The following ENY2 variants were observed in gnomAD, a reference collection of about 807,000 sequenced individuals.
The protein encoded by ENY2 is ENY2 transcription and export complex 2 subunit, also known as transcription and mRNA export factor ENY2.
In ENY2, 4 loss-of-function variants were observed where a neutral mutation model predicts 15.9. That is an observed-to-expected ratio of 0.25 (90% CI 0.12 to 0.57). The LOEUF (loss-of-function observed/expected upper bound fraction) is 0.57. ENY2 is among the 20% of genes least tolerant of loss of function. The pLI, the probability that ENY2 is intolerant of heterozygous loss-of-function variation, is 0.91. For missense variants in ENY2, 54 were observed against 117.2 expected (o/e 0.46, Z 2.49); for synonymous variants, 48 against 38.0 (o/e 1.26, Z -0.97).
At chr8:109,336,024 C>T (rs1436910467) in intron 1 of ENY2, 104 bp from the exon 2 acceptor site, 1 of 979,106 alleles carries the variant, frequency 1.0e-6, no homozygotes, top group South Asian at 1.5e-5. Flanking sequence ...TGTATCACCC[C>T]TTCAGTTAAT....
At chr8:109,342,240 C>A (rs1979299) in intron 4 of ENY2, among the ~76,000 whole-genome samples, 1,836 of 141,186 alleles carry the variant, frequency 0.013, 40 homozygotes, top group African/African-American at 0.045. Context: ...TAACATATAA[C>A]AGTTGTAATT....
chr8:109,335,957 A>G (rs1441684581), intron 1 of ENY2, 171 bp from the exon 2 acceptor site: 3 of 550,414 alleles, frequency 5.5e-6, no homozygotes, highest in Non-Finnish European at 9.5e-6. Context: ...GCATTAGCCC[A>G]GTGCCAAGCA....
rs1342161110 is a variant in ENY2 at position 109,336,124 on chromosome 8, CCA to C, written c.7-3_7-2del. 1 of 1,612,786 alleles carries C rather than the reference CCA, an allele frequency of 6.2e-7. No individual in the cohort carries two copies. On this transcript the variant is annotated splice_acceptor_variant and splice_polypyrimidine_tract_variant and intron_variant, in intron 1 of 4. Transcript: ENST00000521688. LOFTEE classifies it high-confidence loss of function. ...TATATCTGAAAGTACATGTTGATGTCCAGGTTAGCAAGATGAACAAAGATGCG... is the reference window on the plus strand; with the variant it reads ...TATATCTGAAAGTACATGTTGATGTCGGTTAGCAAGATGAACAAAGATGCG...
At chr8:109,336,312 G>A in intron 2 of ENY2, 108 bp downstream of exon 2, 1 of 975,022 alleles carries the variant, frequency 1.0e-6, no homozygotes, top group Non-Finnish European at 1.5e-6. Flanking sequence ...TTACAATTGA[G>A]ATTATAAAAG....
At chr8:109,340,438 T>A (rs1480845884) in intron 3 of ENY2, 51 bp from the exon 4 acceptor site, 1 of 1,603,534 alleles carries the variant, frequency 6.2e-7, no homozygotes. Flanking sequence ...AAAATCTTTC[T>A]TACAGATAAT....
intron 1 of ENY2, 186 bp downstream of exon 1, chr8:109,334,660 T>G: frequency 1.6e-6 from 1 of 611,468 alleles, no homozygotes; most frequent in Non-Finnish European, 2.8e-6. Flanking sequence ...CTCTCCCGCC[T>G]CTCCCGCTGT....
intron 4 of ENY2, among the ~76,000 whole-genome samples, chr8:109,342,154 T>G (rs985121615): frequency 6.9e-6 from 1 of 145,972 alleles, no homozygotes; most frequent in Non-Finnish European, 1.5e-5. Flanking sequence ...AAGTTTTAGT[T>G]AACCCCCCCC....
intron 3 of ENY2, 103 bp from the exon 4 acceptor site, chr8:109,340,386 C>G (rs2130194349): frequency 6.7e-7 from 1 of 1,502,422 alleles, no homozygotes; most frequent in Non-Finnish European, 9.0e-7. Flanking sequence ...TTAAAAAAAC[C>G]AGTCTACACT....
At chr8:109,342,592 G>T (rs1009504953) in intron 4 of ENY2, 1 of 616,024 alleles carries the variant, frequency 1.6e-6, no homozygotes, top group Non-Finnish European at 2.9e-6. Context: ...TCACTAGCCC[G>T]GATCTCCCAG....
rs529331315 is a variant in ENY2, at chr8:109,334,392, C to G, written c.-77C>G. The G allele has an allele frequency of 3.1e-6, 5 of 1,607,674 alleles. No individual in the cohort carries two copies. In the South Asian group the frequency reaches 5.5e-5, roughly 18 times the overall value. ...TACTGAGGGTCTAAGTCCGGGCAGC[C>G]GAAGAGTGTGGTAGGTAACGGTCCT... is the stretch of plus-strand genomic sequence containing the variant. On this transcript the variant is annotated 5_prime_UTR_variant, in exon 1 of 5. Transcript: ENST00000521688.
intron 2 of ENY2, among the ~76,000 whole-genome samples, chr8:109,337,448 C>T (rs990795174): frequency 3.3e-5 from 5 of 151,498 alleles, no homozygotes; most frequent in African/African-American, 1.2e-4. Context: ...TTGGAGGTAA[C>T]AGTAGTAGAC....
chr8:109,339,523 G>T (rs1816069439), intron 3 of ENY2, 133 bp downstream of exon 3: 1 of 722,916 alleles, frequency 1.4e-6, no homozygotes, highest in East Asian at 2.9e-5. Flanking sequence ...TCTTGTAATG[G>T]TTTCCTCTTG....
At position 109,334,389 on chromosome 8, in the gene ENY2, A is replaced by T; in HGVS notation, c.-80A>T. 1.2e-6 allele frequency: 2 copies of T among 1,605,232 alleles called. No individual in the cohort carries two copies. Among genetic ancestry groups the T allele is most frequent in the Admixed American group, 3.4e-5 (2 of 59,330 alleles). On this transcript the variant is annotated 5_prime_UTR_variant, in exon 1 of 5. Transcript: ENST00000521688. ...AGCTACTGAGGGTCTAAGTCCGGGC[A>T]GCCGAAGAGTGTGGTAGGTAACGGT...
At chr8:109,339,071 G>A (rs1816058693) in intron 2 of ENY2, 4 of 520,846 alleles carry the variant, frequency 7.7e-6, no homozygotes, top group Non-Finnish European at 1.4e-5. Context: ...TTCTTGAAAA[G>A]TATTTTAGCC....
intron 2 of ENY2, chr8:109,339,028 T>C (rs1586327593): frequency 7.9e-6 from 3 of 381,130 alleles, no homozygotes; most frequent in Non-Finnish European, 1.4e-5. Context: ...TAGAGGACGG[T>C]GGAGAGTATA....
Position 109,340,309 on chromosome 8 carries a change from T to C in ENY2, c.155-180T>C. The C allele has an allele frequency of 3.7e-6, 3 of 800,266 alleles. No individual in the cohort carries two copies. The South Asian group carries it at 5.7e-5, about 15-fold the overall frequency. 49.6% of individuals were successfully genotyped at this position (800,266 alleles called of 1,614,324 possible). ...TTAGCTGAGACTTACGAACAACTTT[T>C]ATCTTTTAGATCTAAAGAATACTTG... On this transcript the variant is annotated intron_variant, in intron 3 of 4. Transcript: ENST00000521688.
rs910166748 is a variant in ENY2 at position 109,343,633 on chromosome 8, A to G, written c.*152A>G. The G allele has an allele frequency of 4.6e-5, 25 of 548,206 alleles. No homozygotes were observed. Among genetic ancestry groups the G allele is most frequent in the South Asian group, 1.7e-4 (5 of 28,940 alleles). 34.0% of individuals were successfully genotyped at this position (548,206 alleles called of 1,614,324 possible). A position where few individuals can be genotyped will look rare whatever the true frequency, so the allele number is the denominator to read the frequency against. On this transcript the variant is annotated 3_prime_UTR_variant, in exon 5 of 5. Transcript: ENST00000521688. ...ACATTGTATTGATTTTTTTCCCTAAATGTGTTATTTTAATAAATATCTCAT... is the reference window on the plus strand; with the variant it reads ...ACATTGTATTGATTTTTTTCCCTAAGTGTGTTATTTTAATAAATATCTCAT...
Position 109,336,983 on chromosome 8 carries a change from C to T in ENY2, c.83+779C>T, listed in dbSNP as rs536891007. On this transcript the variant is annotated intron_variant, in intron 2 of 4. Coordinates refer to ENST00000521688, the MANE Select transcript of ENY2 (RefSeq NM_020189.6). ...AGAGGGGGAATCTTTCAACTCAACC[C>T]GGGCATTCAGGTGATCATGTAAGAT... 1.5e-4 allele frequency among the ~76,000 whole-genome samples: 23 copies of T among 151,712 alleles called. No individual in the cohort carries two copies. In the South Asian group the frequency reaches 3.1e-3, roughly 21 times the overall value.
intron 1 of ENY2, chr8:109,334,888 C>A: frequency 5.8e-6 from 1 of 171,952 alleles, no homozygotes; most frequent in Non-Finnish European, 1.2e-5. Flanking sequence ...CCTCCAATTA[C>A]AAAAGCAAGC....
Sources: allele counts gnomAD v4.1 joint callset (sites outside exome capture counted in the v4.1 genomes callset), GRCh38; gene constraint gnomAD v4.1.1; transcripts MANE v1.5; gene names NCBI Gene and HGNC (gene_info 2026-07-23, HGNC 2026-07-21).